Variants in REEP1 observed in about 807,000 individuals in gnomAD.
The protein encoded by REEP1 is receptor accessory protein 1, also known as receptor expression-enhancing protein 1.
Under a neutral mutation model 40.3 loss-of-function variants are expected in REEP1, and 22 were observed. The ratio of observed to expected loss-of-function variants is 0.55; its 90% CI spans 0.39 to 0.78. REEP1 has a LOEUF of 0.78. Ranked by LOEUF, REEP1 falls within the 30% of genes least tolerant of loss-of-function variation. The probability of loss-of-function intolerance (pLI) is 0.00; values close to 1 mark genes in which losing one functional copy is unlikely to be tolerated. For missense variants in REEP1, 280 were observed against 361.1 expected, an observed-to-expected ratio of 0.78 and a Z score of 1.82; for synonymous variants, 116 against 139.2, an observed-to-expected ratio of 0.83 and a Z score of 1.17.
chr2:86,310,697 C>T (rs1679719563), intron 1 of REEP1, among the ~76,000 whole-genome samples: 1 of 147,884 alleles, frequency 6.8e-6, no homozygotes, highest in African/African-American at 2.5e-5. Flanking sequence ...TTACTTCTCT[C>T]TCCTCCCCTT....
intron 1 of REEP1, among the ~76,000 whole-genome samples, chr2:86,309,333 C>A (rs1423841583): frequency 6.6e-6 from 1 of 152,246 alleles, no homozygotes; most frequent in Non-Finnish European, 1.5e-5. Flanking sequence ...AACCTAACTT[C>A]CCCCTGGTCA....
intron 1 of REEP1, among the ~76,000 whole-genome samples, chr2:86,316,062 A>C (rs1457734058): frequency 6.6e-6 from 1 of 152,160 alleles, no homozygotes; most frequent in East Asian, 1.9e-4. Flanking sequence ...ACAGGCACCA[A>C]CCAAAGAGTA....
rs762957261 is a variant in REEP1, at chr2:86,232,791, G to A, written c.429C>T (p.Ala143=). The change falls in exon 6 of 9, where the codon GCC becomes GCT. Residue 143 remains alanine (A), a synonymous_variant. Coordinates refer to ENST00000538924, the MANE Select transcript of REEP1 (RefSeq NM_001371279.1). The part of the protein sequence containing the change: ...AVMAASKGQG[A]LSERLRSFSM... The stretch of plus-strand genomic sequence containing the variant: ...TGAAGCTCCGCAGTCTCTCCGATAA[G>A]GCACCCTGTCCCTGGATACAACACA... 3 of 1,601,500 alleles carry A rather than the reference G, an allele frequency of 1.9e-6. No individual in the cohort carries two copies. In the Admixed American group the frequency reaches 5.0e-5, roughly 27 times the overall value.
At chr2:86,318,523 G>A (rs566568213) in intron 1 of REEP1, among the ~76,000 whole-genome samples, 2 of 150,846 alleles carry the variant, frequency 1.3e-5, no homozygotes, top group East Asian at 2.0e-4. Context: ...TCAGCCTCCC[G>A]AGTAGCTGGG....
chr2:86,309,348 T>C (rs1679652128), intron 1 of REEP1, among the ~76,000 whole-genome samples: 1 of 152,238 alleles, frequency 6.6e-6, no homozygotes, highest in East Asian at 1.9e-4. Flanking sequence ...TGGTCAAGGC[T>C]ATCTTGGCTT....
chr2:86,310,717 C>A (rs1253450248), intron 1 of REEP1, among the ~76,000 whole-genome samples: 1 of 151,858 alleles, frequency 6.6e-6, no homozygotes, highest in Non-Finnish European at 1.5e-5. Context: ...TTCTCTCTCT[C>A]TCTCTCTCTC....
chr2:86,274,074 T>C (rs190367518), intron 2 of REEP1, among the ~76,000 whole-genome samples: 1 of 152,342 alleles, frequency 6.6e-6, no homozygotes, highest in Admixed American at 6.5e-5. Flanking sequence ...TCTAGATGGC[T>C]TTTTGAGAAG....
rs1011116894 is a variant in REEP1, at chr2:86,300,483, G to A, written c.33-18241C>T. On this transcript the variant is annotated intron_variant, in intron 1 of 8. Coordinates refer to ENST00000538924, the MANE Select transcript of REEP1 (RefSeq NM_001371279.1). ...GAATATAAACTCAAGAGTGGGGACT[G>A]CAACTGTGCATGGCCGTGCTTGGCC... 3.6e-4 allele frequency among the ~76,000 whole-genome samples: 55 copies of A among 152,330 alleles called. No homozygotes were observed. The Middle Eastern group carries it at 0.01, about 28-fold the overall frequency.
At chr2:86,240,344 TG>T (rs1311290416) in intron 5 of REEP1, among the ~76,000 whole-genome samples, 1 of 152,134 alleles carries the variant, frequency 6.6e-6, no homozygotes, top group Non-Finnish European at 1.5e-5. Context: ...AGGCCACAAG[TG>T]ACAAAGATGA....
intron 1 of REEP1, among the ~76,000 whole-genome samples, chr2:86,314,770 T>G (rs1295568782): frequency 6.7e-6 from 1 of 148,568 alleles, no homozygotes; most frequent in Non-Finnish European, 1.5e-5. Context: ...GAGGATTGAT[T>G]GAGCCCAACA....
intron 5 of REEP1, 30 bp downstream of exon 5, chr2:86,251,927 C>T (rs781160462): frequency 1.9e-5 from 27 of 1,455,770 alleles, no homozygotes; most frequent in Non-Finnish European, 2.4e-5. Context: ...GACTGAGACT[C>T]ATGTAGTTGT....
At chr2:86,286,087 T>C (rs1389797295) in intron 1 of REEP1, among the ~76,000 whole-genome samples, 1 of 151,838 alleles carries the variant, frequency 6.6e-6, no homozygotes, top group African/African-American at 2.4e-5. Context: ...AAAGGCTCCA[T>C]GGATCTGCCT....
chr2:86,316,858 T>C (rs1254658987), intron 1 of REEP1, among the ~76,000 whole-genome samples: 1 of 152,008 alleles, frequency 6.6e-6, no homozygotes, highest in Non-Finnish European at 1.5e-5. Context: ...AAACTCCATC[T>C]CAAAAAAATA....
intron 1 of REEP1, among the ~76,000 whole-genome samples, chr2:86,319,401 A>C (rs79907628): frequency 0.03 from 4,589 of 152,266 alleles, 117 homozygotes; most frequent in East Asian, 0.07. Flanking sequence ...AACCCCAATA[A>C]CTGTGAATGT....
chr2:86,334,019 T>C (rs1680891639), intron 1 of REEP1, among the ~76,000 whole-genome samples: 1 of 152,230 alleles, frequency 6.6e-6, no homozygotes, highest in Non-Finnish European at 1.5e-5. Flanking sequence ...GGGACAGCAG[T>C]AGCCAGCCAC....
At chr2:86,312,008 C>G (rs1182791917) in intron 1 of REEP1, among the ~76,000 whole-genome samples, 1 of 152,184 alleles carries the variant, frequency 6.6e-6, no homozygotes, top group East Asian at 1.9e-4. Flanking sequence ...TGTTCCCATT[C>G]TACTGATTTG....
chr2:86,230,440 C>G (rs967318191), intron 6 of REEP1, among the ~76,000 whole-genome samples: 1 of 152,238 alleles, frequency 6.6e-6, no homozygotes, highest in African/African-American at 2.4e-5. Context: ...AATGGCAACA[C>G]AGACTCTTAG....
chr2:86,323,962 G>GA (rs1184307398), intron 1 of REEP1, among the ~76,000 whole-genome samples: 10 of 150,630 alleles, frequency 6.6e-5, no homozygotes, highest in Non-Finnish European at 1.5e-4. Flanking sequence ...TTCATGTGAA[G>GA]AAAAAAGAAA....
Position 86,215,954 on chromosome 2 carries a change from T to C in REEP1, c.*1085A>G, listed in dbSNP as rs1445961884. ...TTCTAGAGCCCACCATTTTGATTGTTACACATGTGTTTCAGATGTATGTTA... is the reference window on the plus strand; with the variant it reads ...TTCTAGAGCCCACCATTTTGATTGTCACACATGTGTTTCAGATGTATGTTA... On this transcript the variant is annotated 3_prime_UTR_variant, in exon 9 of 9. Coordinates refer to ENST00000538924, the MANE Select transcript of REEP1 (RefSeq NM_001371279.1). The C allele has an allele frequency of 6.6e-6, 1 of 152,200 alleles. No individual in the cohort carries two copies. The highest frequency in any genetic ancestry group is 1.5e-5 in the Non-Finnish European group (1 of 68,032). 9.4% of individuals were successfully genotyped at this position (152,200 alleles called of 1,614,324 possible). A position where few individuals can be genotyped will look rare whatever the true frequency, so the allele number is the denominator to read the frequency against.
Sources: gnomAD v4.1 joint callset for allele counts (sites outside exome capture counted in the v4.1 genomes callset) on GRCh38, gnomAD v4.1.1 for gene constraint, MANE v1.5 for transcripts, NCBI Gene and HGNC (gene_info 2026-07-23, HGNC 2026-07-21) for gene names.